The following P3H2 variants were observed in gnomAD, a reference collection of about 807,000 sequenced individuals.
The protein encoded by P3H2 is leprecan-like 1.
P3H2 carries 80 observed loss-of-function variants against 87.0 expected under a neutral mutation model. The observed-to-expected ratio is 0.92, with a 90% CI of 0.77 to 1.11. The LOEUF (loss-of-function observed/expected upper bound fraction) is 1.11, where lower values mean the gene tolerates loss of function less well. Among genes scored for constraint, P3H2 ranks in the 50% least tolerant of loss-of-function variants. The pLI is 0.00. For synonymous variants in P3H2, 367 were observed against 359.3 expected (o/e 1.02, Z -0.24); for missense variants, 1,001 against 923.9 (o/e 1.08, Z -1.08).
rs1442369572 is a variant in P3H2, at chr3:190,041,074, ACACACACTCT to A, written c.481-45642_481-45633del. ...CACACACACACACACACACACACAC[ACACACACTCT>A]CTCTCTCTATATATATATATATACT... On this transcript the variant is annotated intron_variant, in intron 1 of 14. Transcript: ENST00000319332. Among the ~76,000 whole-genome samples the A allele has an allele frequency of 2.5e-3, 113 of 45,594 alleles. 3 individuals are homozygous for A. The highest frequency in any genetic ancestry group is 7.6e-3 in the African/African-American group (71 of 9,402). The allele number at this position is 45,594 out of a possible 152,430, so 29.9% of individuals were successfully genotyped here.
chr3:190,060,855 C>T (rs1437184430), intron 1 of P3H2, among the ~76,000 whole-genome samples: 2 of 152,068 alleles, frequency 1.3e-5, no homozygotes, highest in Non-Finnish European at 2.9e-5. Flanking sequence ...AGGAACCATG[C>T]TACATGGTTT....
Position 190,007,965 on chromosome 3 carries a change from C to CACACACACACACACATATATATAT in P3H2, c.481-12524_481-12523insATATATATATGTGTGTGTGTGTGT. ...GCCTGAGACTCTATTTGTTGACACA[C>CACACACACACACACATATATATAT]ATATATATATATATATATATAGTAA... is the stretch of plus-strand genomic sequence containing the variant. On this transcript the variant is annotated intron_variant, in intron 1 of 14. Transcript: ENST00000319332. 4.7e-3 allele frequency among the ~76,000 whole-genome samples: 441 copies of CACACACACACACACATATATATAT among 94,250 alleles called. 4 individuals are homozygous for CACACACACACACACATATATATAT. Among genetic ancestry groups the CACACACACACACACATATATATAT allele is most frequent in the African/African-American group, 0.016 (412 of 25,584 alleles). 61.8% of individuals were successfully genotyped at this position (94,250 alleles called of 152,430 possible).
chr3:189,994,303 A>AC lies in P3H2; in HGVS notation c.634-21_634-20insG. On this transcript the variant is annotated intron_variant, in intron 2 of 14. Coordinates refer to ENST00000319332, the MANE Select transcript of P3H2 (RefSeq NM_018192.4). ...ACTCTCCTGTAATGAAACAGACGGG[A>AC]AAAAACAAACAAACAAACAAACAAA... 1 of 1,554,760 alleles carries AC rather than the reference A, an allele frequency of 6.4e-7. No individual in the cohort carries two copies. Among genetic ancestry groups the AC allele is most frequent in the East Asian group, 2.3e-5 (1 of 44,146 alleles).
intron 1 of P3H2, among the ~76,000 whole-genome samples, chr3:190,046,768 T>A (rs1618821): frequency 0.82 from 124,098 of 151,840 alleles, 50,898 homozygotes; most frequent in East Asian, 0.88. Flanking sequence ...AAGAAATTTA[T>A]GGTAATTTAT....
rs578083477 is a variant in P3H2, at chr3:189,975,590, C to T, written c.1325-905G>A. On this transcript the variant is annotated intron_variant, in intron 8 of 14. Transcript: ENST00000319332. ...GTGCGTGCTTGTCCATAGCAACAGC[C>T]GAAGATAAGACAGCAGGGATAGGGA... 2.6e-5 allele frequency among the ~76,000 whole-genome samples: 4 copies of T among 152,108 alleles called. No individual in the cohort carries two copies. In the South Asian group the frequency reaches 6.2e-4, roughly 24 times the overall value.
intron 1 of P3H2, among the ~76,000 whole-genome samples, chr3:190,041,354 T>C (rs1725630298): frequency 6.6e-6 from 1 of 151,670 alleles, no homozygotes; most frequent in South Asian, 2.1e-4. Flanking sequence ...ACCCTGTTTC[T>C]TTTTAGCATA....
chr3:190,083,056 G>T (rs1727103911), intron 1 of P3H2, among the ~76,000 whole-genome samples: 1 of 152,162 alleles, frequency 6.6e-6, no homozygotes, highest in East Asian at 1.9e-4. Context: ...TTTACCTAAG[G>T]TCATCAAATT....
chr3:190,077,844 T>C (rs1057066724), intron 1 of P3H2, among the ~76,000 whole-genome samples: 9 of 152,334 alleles, frequency 5.9e-5, no homozygotes, highest in Non-Finnish European at 1.2e-4. Context: ...AAGATATGAA[T>C]GGAATTTATT....
At chr3:190,043,573 A>C (rs1393457035) in intron 1 of P3H2, among the ~76,000 whole-genome samples, 9 of 152,204 alleles carry the variant, frequency 5.9e-5, no homozygotes, top group African/African-American at 2.2e-4. Context: ...ATTGAGGTAT[A>C]ACTGGTAAAC....
chr3:189,987,479 TAA>T lies in P3H2; in HGVS notation c.1098+46_1098+47del, dbSNP rs551936985. ...GGGCAACAAGAGCGAAACTCTGTCTTAAAAAAAAAAAAAAAAAAAGAATTTCT... is the reference window on the plus strand; with the variant it reads ...GGGCAACAAGAGCGAAACTCTGTCTTAAAAAAAAAAAAAAAAAGAATTTCT... On this transcript the variant is annotated intron_variant, in intron 5 of 14. Transcript: ENST00000319332. The T allele has an allele frequency of 0.032, 42,903 of 1,326,340 alleles. No individual in the cohort carries two copies. Among genetic ancestry groups the T allele is most frequent in the East Asian group, 0.041 (1,440 of 34,976 alleles). The allele number at this position is 1,326,340 out of a possible 1,614,324, so 82.2% of individuals were successfully genotyped here. A position where few individuals can be genotyped will look rare whatever the true frequency, so the allele number is the denominator to read the frequency against.
chr3:190,082,178 C>G (rs1577314457), intron 1 of P3H2, among the ~76,000 whole-genome samples: 2 of 152,236 alleles, frequency 1.3e-5, no homozygotes, highest in South Asian at 2.1e-4. Context: ...ATCACCTGAA[C>G]CCGGTAGACG....
At position 190,021,865 on chromosome 3, in the gene P3H2, C is replaced by T. The variant is rs1024547631; in HGVS notation, c.481-26423G>A. Among the ~76,000 whole-genome samples the T allele has an allele frequency of 8.9e-5, 12 of 134,978 alleles. 1 individual carries two copies. The highest frequency in any genetic ancestry group is 9.9e-5 in the Non-Finnish European group (6 of 60,400). 88.6% of individuals were successfully genotyped at this position (134,978 alleles called of 152,430 possible). ...TACTAAATTTGTAAATTCTGGATTT[C>T]GTTAGACAACTATGTACAATATTAT... On this transcript the variant is annotated intron_variant, in intron 1 of 14. Transcript: ENST00000319332.
chr3:190,013,889 G>A (rs909286114), intron 1 of P3H2, among the ~76,000 whole-genome samples: 33 of 152,280 alleles, frequency 2.2e-4, no homozygotes, highest in African/African-American at 7.5e-4. Context: ...AGAATTTGGT[G>A]TGAGTAGAGT....
At chr3:189,999,374 C>A (rs1257568346) in intron 1 of P3H2, among the ~76,000 whole-genome samples, 1 of 152,166 alleles carries the variant, frequency 6.6e-6, no homozygotes, top group African/African-American at 2.4e-5. Context: ...GTTTAGGAAA[C>A]TAGAATTTGC....
At position 190,120,541 on chromosome 3, in the gene P3H2, A is replaced by C; in HGVS notation, c.191T>G (p.Val64Gly). 6.6e-7 allele frequency: 1 copy of C among 1,510,176 alleles called. No homozygotes were observed. Among genetic ancestry groups the C allele is most frequent in the Admixed American group, 2.1e-5 (1 of 48,432 alleles). The allele number at this position is 1,510,176 out of a possible 1,614,324, so 93.5% of individuals were successfully genotyped here. The change falls in exon 1 of 15, where the codon GTG becomes GGG. Residue 64 changes from valine (V) to glycine (G), a missense_variant. Transcript: ENST00000319332. ...GCGCAGCGCCGCTTCCAAGTCGCGC[A>C]CCGCTCGCTCGTAGTCTCCGCTGTA... is the stretch of plus-strand genomic sequence containing the variant. ...AYYSGDYERA[V>G]RDLEAALRSH...
At chr3:190,103,238 C>G (rs1251424732) in intron 1 of P3H2, among the ~76,000 whole-genome samples, 1 of 152,158 alleles carries the variant, frequency 6.6e-6, no homozygotes, top group Non-Finnish European at 1.5e-5. Flanking sequence ...CCTAGGAGAA[C>G]TGACAATTCA....
intron 1 of P3H2, among the ~76,000 whole-genome samples, chr3:190,056,129 T>C (rs879098874): frequency 6.6e-6 from 1 of 152,158 alleles, no homozygotes; most frequent in Admixed American, 6.5e-5. Context: ...GGAAAGTCCA[T>C]GTGAAGGACG....
At chr3:190,006,371 C>T (rs904709280) in intron 1 of P3H2, among the ~76,000 whole-genome samples, 1 of 152,210 alleles carries the variant, frequency 6.6e-6, no homozygotes, top group Non-Finnish European at 1.5e-5. Context: ...TTAAAACAAA[C>T]ATTCACAAAT....
chr3:190,026,174 C>T (rs545403098), intron 1 of P3H2, among the ~76,000 whole-genome samples: 2 of 152,058 alleles, frequency 1.3e-5, no homozygotes, highest in African/African-American at 4.8e-5. Context: ...TGAATAAATT[C>T]ATCCCTTTCT....
Sources: allele counts gnomAD v4.1 joint callset (sites outside exome capture counted in the v4.1 genomes callset), GRCh38; gene constraint gnomAD v4.1.1; transcripts MANE v1.5; gene names NCBI Gene and HGNC (gene_info 2026-07-23, HGNC 2026-07-21).